TSNAX: variants seen among roughly 807,000 people sequenced by gnomAD.
TSNAX encodes the protein translin associated factor X.
TSNAX carries 12 observed loss-of-function variants against 33.0 expected under a neutral mutation model. The ratio of observed to expected loss-of-function variants is 0.36; its 90% CI spans 0.23 to 0.59. TSNAX has a LOEUF of 0.59. Among genes scored for constraint, TSNAX ranks in the 20% least tolerant of loss-of-function variants. The probability of loss-of-function intolerance (pLI) is 0.74; values close to 1 mark genes in which losing one functional copy is unlikely to be tolerated. For missense variants in TSNAX, 267 were observed against 341.3 expected (o/e 0.78, Z 1.72); for synonymous variants, 110 against 117.2 (o/e 0.94, Z 0.40).
At chr1:231,531,833 G>T (rs895275726) in intron 2 of TSNAX, among the ~76,000 whole-genome samples, 4 of 152,122 alleles carry the variant, frequency 2.6e-5, no homozygotes, top group African/African-American at 9.7e-5. Flanking sequence ...GTATTTCAAG[G>T]TACAGAGCTT....
At chr1:231,538,674 A>T (rs1270717170) in intron 3 of TSNAX, among the ~76,000 whole-genome samples, 1 of 152,232 alleles carries the variant, frequency 6.6e-6, no homozygotes, top group Non-Finnish European at 1.5e-5. Flanking sequence ...GGAAGATCAC[A>T]TATAATTTAT....
In TSNAX at chr1:231,565,526, C is replaced by A. The variant is rs537770485; in HGVS notation, c.*621C>A. 1 of 152,406 alleles carries A rather than the reference C, an allele frequency of 6.6e-6. No individual in the cohort carries two copies. The highest frequency in any genetic ancestry group is 6.5e-5 in the Admixed American group (1 of 15,282). The allele number at this position is 152,406 out of a possible 1,614,324, so 9.4% of individuals were successfully genotyped here. On this transcript the variant is annotated 3_prime_UTR_variant, in exon 6 of 6. Coordinates refer to ENST00000366639, the MANE Select transcript of TSNAX (RefSeq NM_005999.3). The stretch of plus-strand genomic sequence containing the variant: ...AGATCACGAGGTCAAGAGATCAAGA[C>A]CAGCCTGACCAACGTGGCGAAACCT...
intron 2 of TSNAX, among the ~76,000 whole-genome samples, chr1:231,533,039 G>A (rs1197881897): frequency 6.6e-6 from 1 of 151,396 alleles, no homozygotes; most frequent in Non-Finnish European, 1.5e-5. Context: ...TCTGTCAGAG[G>A]AGATTTTAAA....
intron 4 of TSNAX, among the ~76,000 whole-genome samples, chr1:231,560,010 C>T (rs941568194): frequency 4.7e-5 from 7 of 149,540 alleles, no homozygotes; most frequent in East Asian, 2.0e-4. Flanking sequence ...CGACGAGTCT[C>T]GCTCTGCCGC....
intron 4 of TSNAX, among the ~76,000 whole-genome samples, chr1:231,543,304 A>G (rs201493335): frequency 4.6e-5 from 7 of 151,432 alleles, no homozygotes; most frequent in Non-Finnish European, 8.8e-5. Flanking sequence ...GTTCATTGAT[A>G]GGACAGATAC....
At chr1:231,528,921 C>T (rs1328443687) in intron 1 of TSNAX, 95 bp downstream of exon 1, 3 of 1,519,742 alleles carry the variant, frequency 2.0e-6, no homozygotes, top group Non-Finnish European at 2.7e-6. Flanking sequence ...TTGAAGGATG[C>T]CTTCGTCCCT....
intron 4 of TSNAX, among the ~76,000 whole-genome samples, chr1:231,557,691 G>A (rs180910032): frequency 6.6e-6 from 1 of 152,258 alleles, no homozygotes; most frequent in African/African-American, 2.4e-5. Flanking sequence ...AGAACACCTA[G>A]TATGTTAAAG....
In TSNAX at chr1:231,564,845, G is replaced by A; in HGVS notation, c.813G>A (p.Met271Ile). The change falls in exon 6 of 6, where the codon ATG (methionine) becomes ATA (isoleucine). Residue 271 changes from methionine (M) to isoleucine (I), a missense_variant. Met to Ile is a conservative substitution (Grantham distance 10, BLOSUM62 1). Coordinates refer to ENST00000366639, the MANE Select transcript of TSNAX (RefSeq NM_005999.3). ...KVRGSEIPKH[M>I]LADVFSVKTE... The stretch of plus-strand genomic sequence containing the variant: ...GAGGGTCAGAAATTCCAAAACATAT[G>A]TTGGCAGATGTGTTTTCAGTTAAAA... 6.2e-7 allele frequency: 1 copy of A among 1,614,172 alleles called. No individual in the cohort carries two copies. The highest frequency in any genetic ancestry group is 8.5e-7 in the Non-Finnish European group (1 of 1,180,032).
At chr1:231,540,832 G>A (rs970245929) in intron 3 of TSNAX, among the ~76,000 whole-genome samples, 1 of 152,010 alleles carries the variant, frequency 6.6e-6, no homozygotes, top group East Asian at 1.9e-4. Context: ...TTAATATTTA[G>A]GATTGTTATG....
chr1:231,539,852 A>G (rs1659444887), intron 3 of TSNAX, among the ~76,000 whole-genome samples: 1 of 152,162 alleles, frequency 6.6e-6, no homozygotes, highest in Non-Finnish European at 1.5e-5. Flanking sequence ...AAAAAATAGA[A>G]ACTTTAGAAA....
chr1:231,538,491 T>C (rs1432833111), intron 3 of TSNAX, among the ~76,000 whole-genome samples: 1 of 152,240 alleles, frequency 6.6e-6, no homozygotes, highest in Non-Finnish European at 1.5e-5. Flanking sequence ...ATAATTCATT[T>C]GACCTGATTC....
intron 2 of TSNAX, among the ~76,000 whole-genome samples, chr1:231,533,021 C>T (rs2124879094): frequency 6.6e-6 from 1 of 151,108 alleles, no homozygotes; most frequent in East Asian, 1.9e-4. Context: ...GACATAAAAG[C>T]TTACAGGTCT....
chr1:231,555,687 G>T (rs1021588598), intron 4 of TSNAX, among the ~76,000 whole-genome samples: 2 of 152,194 alleles, frequency 1.3e-5, no homozygotes, highest in Non-Finnish European at 2.9e-5. Context: ...AATTCATTTT[G>T]TTGGGAGTAA....
chr1:231,558,095 A>AGAG (rs1386254203), intron 4 of TSNAX, among the ~76,000 whole-genome samples: 1 of 152,040 alleles, frequency 6.6e-6, no homozygotes, highest in African/African-American at 2.4e-5. Flanking sequence ...ACCATGCTGG[A>AGAG]GAGGGTGGGC....
intron 4 of TSNAX, among the ~76,000 whole-genome samples, chr1:231,558,031 A>G (rs541565973): frequency 2.6e-5 from 4 of 152,232 alleles, no homozygotes; most frequent in African/African-American, 9.6e-5. Flanking sequence ...CAGAGCACCC[A>G]AGGAACTAAA....
intron 2 of TSNAX, chr1:231,536,373 A>G (rs1659172395): frequency 6.6e-6 from 1 of 152,244 alleles, no homozygotes; most frequent in African/African-American, 2.4e-5. Flanking sequence ...CGGGCTAACT[A>G]GATTTTTACT....
In TSNAX at chr1:231,548,422, C is replaced by G. The variant is rs144997163; in HGVS notation, c.367+5811C>G. On this transcript the variant is annotated intron_variant, in intron 4 of 5. Coordinates refer to ENST00000366639, the MANE Select transcript of TSNAX (RefSeq NM_005999.3). ...CATCCTCCCTTCAAGTCTCTGCTTTCTGTTTTGCCATTATCATATTTTATT... is the reference window on the plus strand; with the variant it reads ...CATCCTCCCTTCAAGTCTCTGCTTTGTGTTTTGCCATTATCATATTTTATT... 5.5e-4 allele frequency among the ~76,000 whole-genome samples: 83 copies of G among 152,272 alleles called. No homozygotes were observed. The East Asian group carries it at 0.016, about 29-fold the overall frequency.
At chr1:231,549,280 T>G (rs111503709) in intron 4 of TSNAX, among the ~76,000 whole-genome samples, 2,075 of 152,060 alleles carry the variant, frequency 0.014, 58 homozygotes, top group African/African-American at 0.047. Flanking sequence ...CCCATGTCTA[T>G]TAAAAATACA....
At chr1:231,553,782 G>A (rs971687721) in intron 4 of TSNAX, among the ~76,000 whole-genome samples, 2 of 151,624 alleles carry the variant, frequency 1.3e-5, no homozygotes, top group East Asian at 3.9e-4. Context: ...TGCCTCCCAG[G>A]TTCAAGCGAT....
Sources: allele counts gnomAD v4.1 joint callset (sites outside exome capture counted in the v4.1 genomes callset), GRCh38; gene constraint gnomAD v4.1.1; transcripts MANE v1.5; gene names NCBI Gene and HGNC (gene_info 2026-07-23, HGNC 2026-07-21).